STAB2: variants seen among roughly 807,000 people sequenced by gnomAD.
The protein encoded by STAB2 is stabilin-2.
A neutral mutation model predicts 338.1 loss-of-function variants in STAB2; 288 were observed. The observed-to-expected ratio is 0.85, with a 90% CI of 0.77 to 0.94. The LOEUF is 0.94. Ranked by LOEUF, STAB2 falls within the 40% of genes least tolerant of loss-of-function variation. The pLI is 0.00. For synonymous variants in STAB2, 1,202 were observed against 1,193.3 expected (o/e 1.01, Z -0.15); for missense variants, 3,141 against 3,210.1 (o/e 0.98, Z 0.52).
At chr12:103,725,563 C>A (rs989111377) in intron 45 of STAB2, among the ~76,000 whole-genome samples, 1 of 151,678 alleles carries the variant, frequency 6.6e-6, no homozygotes, top group African/African-American at 2.4e-5. Flanking sequence ...TGTGTGCGTG[C>A]ACGTGTTAAT....
At chr12:103,600,944 C>G (rs904914496) in intron 3 of STAB2, among the ~76,000 whole-genome samples, 3 of 117,564 alleles carry the variant, frequency 2.6e-5, no homozygotes, top group Non-Finnish European at 5.1e-5. Flanking sequence ...GAAATTATTG[C>G]CAGCTTTGAA....
At chr12:103,704,515 G>A (rs756411690) in intron 35 of STAB2, 43 bp from the exon 36 acceptor site, 11 of 1,594,116 alleles carry the variant, frequency 6.9e-6, no homozygotes, top group Non-Finnish European at 3.4e-6. Flanking sequence ...GCTTCATTTT[G>A]TATTAAAGTT....
intron 25 of STAB2, among the ~76,000 whole-genome samples, chr12:103,682,341 G>C (rs898413733): frequency 2.0e-5 from 3 of 152,172 alleles, no homozygotes; most frequent in Non-Finnish European, 4.4e-5. Context: ...GGGGAGGATC[G>C]AGACTGCCCT....
In STAB2 at chr12:103,740,737, C is replaced by T. The variant is rs1882515789; in HGVS notation, c.5862C>T (p.Tyr1954=). Residue 1954 remains tyrosine (Y), a synonymous_variant, in exon 55 of 69, where the codon TAC becomes TAT. Coordinates refer to ENST00000388887, the MANE Select transcript of STAB2 (RefSeq NM_017564.10). Reference sequence around the variant, plus strand: ...AGATCCCCAGGTGCTGCAAGGGCTACTTCGGGCGAGACTGTCAGGGTGAGG... The same window carrying T: ...AGATCCCCAGGTGCTGCAAGGGCTATTTCGGGCGAGACTGTCAGGGTGAGG... ...VIQIPRCCKG[Y]FGRDCQACPG... The T allele has an allele frequency of 6.3e-7, 1 of 1,591,014 alleles. No homozygotes were observed. The highest frequency in any genetic ancestry group is 1.4e-5 in the African/African-American group (1 of 73,428).
intron 22 of STAB2, among the ~76,000 whole-genome samples, chr12:103,672,245 C>T (rs907247785): frequency 2.0e-5 from 3 of 152,152 alleles, no homozygotes; most frequent in African/African-American, 2.4e-5. Flanking sequence ...ACATCAGGGT[C>T]GAGGCTACTG....
chr12:103,753,956 C>G (rs1017642238), intron 61 of STAB2, among the ~76,000 whole-genome samples: 3 of 152,322 alleles, frequency 2.0e-5, no homozygotes, highest in African/African-American at 7.2e-5. Flanking sequence ...AAACGGAGCT[C>G]TTTGATCAGG....
At chr12:103,595,495 T>C (rs1956861864) in intron 3 of STAB2, among the ~76,000 whole-genome samples, 1 of 152,212 alleles carries the variant, frequency 6.6e-6, no homozygotes, top group Non-Finnish European at 1.5e-5. Flanking sequence ...TGGGTTTTTT[T>C]CCATATAACT....
At position 103,742,445 on chromosome 12, in the gene STAB2, T is replaced by C. The variant is rs755293927; in HGVS notation, c.5922T>C (p.Gly1974=). The part of the protein sequence containing the change: ...GGPDAPCNNR[G]VCLDQYSATG... ...CAGATGCCCCGTGTAATAACCGGGGTGTCTGCCTTGATCAGTACTCGGCCA... is the reference window on the plus strand; with the variant it reads ...CAGATGCCCCGTGTAATAACCGGGGCGTCTGCCTTGATCAGTACTCGGCCA... The change falls in exon 56 of 69, where the codon GGT becomes GGC. Residue 1974 remains glycine (G), a synonymous_variant. Coordinates refer to ENST00000388887, the MANE Select transcript of STAB2 (RefSeq NM_017564.10). 8 of 1,613,952 alleles carry C rather than the reference T, an allele frequency of 5.0e-6. No homozygotes were observed. In the South Asian group the frequency reaches 7.7e-5, roughly 16 times the overall value.
chr12:103,624,127 C>G (rs540396302), intron 5 of STAB2, among the ~76,000 whole-genome samples: 34 of 152,332 alleles, frequency 2.2e-4, no homozygotes, highest in African/African-American at 8.2e-4. Context: ...ATCCCACCCC[C>G]ATAAGTTTGC....
At position 103,758,227 on chromosome 12, in the gene STAB2, A is replaced by C. The variant is rs1287179540; in HGVS notation, c.7045A>C (p.Thr2349Pro). ...AGGCCGTGCATTTCTAGAACACCTGACTGACCTGTCCATCCGCGGCACCCT... is the reference window on the plus strand; with the variant it reads ...AGGCCGTGCATTTCTAGAACACCTGCCTGACCTGTCCATCCGCGGCACCCT... The part of the protein sequence containing the change: ...ARGRAFLEHL[T>P]DLSIRGTLFV... Residue 2349 changes from threonine (T) to proline (P), a missense_variant, in exon 64 of 69, where the codon ACT becomes CCT. By Grantham distance (38) the Thr-to-Pro change is conservative. Coordinates refer to ENST00000388887, the MANE Select transcript of STAB2 (RefSeq NM_017564.10). 1 of 1,614,092 alleles carries C rather than the reference A, an allele frequency of 6.2e-7. No individual in the cohort carries two copies. The highest frequency in any genetic ancestry group is 1.1e-5 in the South Asian group (1 of 91,078).
At chr12:103,630,513 G>A (rs1957443556) in intron 5 of STAB2, among the ~76,000 whole-genome samples, 1 of 152,188 alleles carries the variant, frequency 6.6e-6, no homozygotes, top group Non-Finnish European at 1.5e-5. Flanking sequence ...TAGGTTATAT[G>A]GCAAAGGAGA....
chr12:103,620,331 C>G (rs1228007826), intron 3 of STAB2, 137 bp from the exon 4 acceptor site: 2 of 742,238 alleles, frequency 2.7e-6, no homozygotes, highest in Non-Finnish European at 4.4e-6. Context: ...TCTGTAAAAC[C>G]CTAGATGACA....
chr12:103,755,506 A>T, intron 62 of STAB2, 39 bp downstream of exon 62: 1 of 1,610,094 alleles, frequency 6.2e-7, no homozygotes, highest in East Asian at 2.2e-5. Context: ...TGGGCCACAC[A>T]GCTGCTGAGC....
intron 3 of STAB2, among the ~76,000 whole-genome samples, chr12:103,603,303 C>T (rs1956981563): frequency 6.6e-6 from 1 of 152,150 alleles, no homozygotes; most frequent in African/African-American, 2.4e-5. Context: ...ATCTCCTGAC[C>T]TCGTGATCTG....
At chr12:103,717,595 A>G (rs889733213) in intron 43 of STAB2, among the ~76,000 whole-genome samples, 175 bp from the exon 44 acceptor site, 3 of 152,216 alleles carry the variant, frequency 2.0e-5, no homozygotes, top group Admixed American at 1.3e-4. Flanking sequence ...GTCAAGTGCT[A>G]AAATATTAAA....
intron 2 of STAB2, 105 bp from the exon 3 acceptor site, chr12:103,594,290 T>A: frequency 1.3e-6 from 1 of 784,136 alleles, no homozygotes; most frequent in Non-Finnish European, 2.2e-6. Context: ...TATTTTTAAC[T>A]GTAGATAAAT....
At chr12:103,685,171 A>G (rs911171472) in intron 27 of STAB2, 87 bp downstream of exon 27, 8 of 1,246,260 alleles carry the variant, frequency 6.4e-6, no homozygotes, top group South Asian at 4.0e-5. Context: ...ATCTATTGAC[A>G]TATCTTTTGC....
At chr12:103,591,575 C>T (rs1042945565) in intron 2 of STAB2, among the ~76,000 whole-genome samples, 2 of 151,922 alleles carry the variant, frequency 1.3e-5, no homozygotes, top group African/African-American at 4.8e-5. Flanking sequence ...TTTCATTTTG[C>T]CTGTATTTTG....
intron 12 of STAB2, among the ~76,000 whole-genome samples, chr12:103,653,991 T>C (rs1873987707): frequency 6.6e-6 from 1 of 151,952 alleles, no homozygotes; most frequent in Admixed American, 6.6e-5. Context: ...GATGGGTGAA[T>C]GGATGGATGG....
Sources: gnomAD v4.1 joint callset for allele counts (sites outside exome capture counted in the v4.1 genomes callset) on GRCh38, gnomAD v4.1.1 for gene constraint, MANE v1.5 for transcripts, NCBI Gene and HGNC (gene_info 2026-07-23, HGNC 2026-07-21) for gene names.